The following RALYL variants were observed in gnomAD, a reference collection of about 807,000 sequenced individuals.
RALYL encodes RALY RNA binding protein like, also known as RNA-binding Raly-like protein.
A neutral mutation model predicts 35.1 loss-of-function variants in RALYL; 29 were observed. The observed-to-expected ratio is 0.83, with a 90% CI of 0.61 to 1.13. The LOEUF is 1.13. Ranked by LOEUF, RALYL falls within the 50% of genes most tolerant of loss-of-function variation. The probability of loss-of-function intolerance (pLI) is 0.00; values close to 1 mark genes in which losing one functional copy is unlikely to be tolerated. For missense variants in RALYL, 359 were observed against 360.4 expected, an observed-to-expected ratio of 1.00 and a Z score of 0.03; for synonymous variants, 120 against 127.6, an observed-to-expected ratio of 0.94 and a Z score of 0.40.
chr8:84,467,286 A>G (rs1587541914), intron 1 of RALYL, among the ~76,000 whole-genome samples: 2 of 151,714 alleles, frequency 1.3e-5, no homozygotes, highest in African/African-American at 2.4e-5. Flanking sequence ...ATTTAGTGCT[A>G]TAAATTTCCC....
At chr8:84,466,969 C>T (rs1248997097) in intron 1 of RALYL, among the ~76,000 whole-genome samples, 4 of 152,176 alleles carry the variant, frequency 2.6e-5, no homozygotes, top group Non-Finnish European at 4.4e-5. Flanking sequence ...GTTTGTATTT[C>T]TGTGGGATCG....
At chr8:84,294,399 T>C (rs1323810060) in intron 1 of RALYL, among the ~76,000 whole-genome samples, 1 of 152,176 alleles carries the variant, frequency 6.6e-6, no homozygotes, top group East Asian at 1.9e-4. Context: ...TGTTCAGCAA[T>C]GCTTGCTTAT....
At chr8:84,251,516 G>A in intron 1 of RALYL, among the ~76,000 whole-genome samples, 1 of 151,800 alleles carries the variant, frequency 6.6e-6, no homozygotes, top group Non-Finnish European at 1.5e-5. Flanking sequence ...TCTAATTTTA[G>A]AGTCTAGAGT....
chr8:84,804,096 A>T (rs1398904142), intron 3 of RALYL, among the ~76,000 whole-genome samples: 2 of 152,210 alleles, frequency 1.3e-5, no homozygotes, highest in Non-Finnish European at 2.9e-5. Flanking sequence ...AAATTAGAAA[A>T]GTAGCTGAAA....
chr8:84,481,429 A>G (rs1404416492), intron 1 of RALYL, among the ~76,000 whole-genome samples: 1 of 152,204 alleles, frequency 6.6e-6, no homozygotes, highest in African/African-American at 2.4e-5. Context: ...TCTTGGGCTC[A>G]GGTGATCCTA....
chr8:84,771,584 A>G (rs1815537481), intron 2 of RALYL, among the ~76,000 whole-genome samples: 1 of 152,100 alleles, frequency 6.6e-6, no homozygotes, highest in African/African-American at 2.4e-5. Flanking sequence ...ATGTAAATTC[A>G]ATGGGTTTTA....
chr8:84,747,026 A>G (rs1292081126), intron 2 of RALYL, among the ~76,000 whole-genome samples: 1 of 151,924 alleles, frequency 6.6e-6, no homozygotes, highest in Non-Finnish European at 1.5e-5. Flanking sequence ...TAACAAAATT[A>G]ATACAAAAGA....
At chr8:84,730,807 G>A (rs1563463148) in intron 2 of RALYL, among the ~76,000 whole-genome samples, 1 of 152,050 alleles carries the variant, frequency 6.6e-6, no homozygotes, top group Non-Finnish European at 1.5e-5. Flanking sequence ...TAGAAGCAAT[G>A]ACACCGTTCA....
chr8:84,766,720 CAAAAAAAAAAAAAA>C (rs751821694), intron 2 of RALYL, among the ~76,000 whole-genome samples: 9 of 18,024 alleles, frequency 5.0e-4, no homozygotes, highest in Non-Finnish European at 7.3e-4. Flanking sequence ...GAGACTGTCT[CAAAAAAAAAAAAAA>C]AAAAAAAAAA....
intron 2 of RALYL, among the ~76,000 whole-genome samples, chr8:84,730,028 A>G (rs1156340583): frequency 6.6e-6 from 1 of 152,202 alleles, no homozygotes; most frequent in Non-Finnish European, 1.5e-5. Flanking sequence ...TCCCTAACTC[A>G]TTTTATGAGA....
chr8:84,662,462 TATA>T (rs1386234689), intron 2 of RALYL, among the ~76,000 whole-genome samples: 1 of 152,200 alleles, frequency 6.6e-6, no homozygotes, highest in Non-Finnish European at 1.5e-5. Flanking sequence ...TTAGATGTGA[TATA>T]ATATTTTGAT....
At chr8:84,683,037 T>C (rs551475879) in intron 2 of RALYL, among the ~76,000 whole-genome samples, 5 of 152,346 alleles carry the variant, frequency 3.3e-5, no homozygotes, top group Admixed American at 2.0e-4. Flanking sequence ...TTCTGGTATG[T>C]TGTGTCTCTG....
Position 84,719,976 on chromosome 8 carries a change from G to A in RALYL, c.257-54603G>A, listed in dbSNP as rs570829261. ...ACAATTCTACTCTCTACTTCAATGA[G>A]ACCAGCATTTTTAGATTATTTATAT... is the stretch of plus-strand genomic sequence containing the variant. On this transcript the variant is annotated intron_variant, in intron 2 of 8. Transcript: ENST00000521268. Among the ~76,000 whole-genome samples, 273 of 152,054 alleles carry A rather than the reference G, an allele frequency of 1.8e-3. 1 individual carries two copies. The highest frequency in any genetic ancestry group is 2.8e-3 in the Non-Finnish European group (190 of 67,986).
At chr8:84,332,703 A>G (rs1847068807) in intron 1 of RALYL, among the ~76,000 whole-genome samples, 1 of 152,156 alleles carries the variant, frequency 6.6e-6, no homozygotes, top group Admixed American at 6.6e-5. Context: ...GCCTGCTGCC[A>G]GTGCCTGTCT....
chr8:84,197,160 A>G (rs2130946280), intron 1 of RALYL, among the ~76,000 whole-genome samples: 1 of 152,344 alleles, frequency 6.6e-6, no homozygotes, highest in Admixed American at 6.5e-5. Flanking sequence ...ATTGAATACC[A>G]ACTTAGTTTC....
At chr8:84,669,208 T>G (rs1832701011) in intron 2 of RALYL, among the ~76,000 whole-genome samples, 1 of 152,154 alleles carries the variant, frequency 6.6e-6, no homozygotes, top group African/African-American at 2.4e-5. Flanking sequence ...CTGGGTACAC[T>G]TTGACTCTGT....
chr8:84,417,282 G>T (rs900822245), intron 1 of RALYL, among the ~76,000 whole-genome samples: 20 of 152,084 alleles, frequency 1.3e-4, no homozygotes, highest in Non-Finnish European at 2.6e-4. Flanking sequence ...AAGAGAGTCA[G>T]TTTTTTCTGA....
intron 1 of RALYL, among the ~76,000 whole-genome samples, chr8:84,317,892 T>A (rs1234516629): frequency 6.6e-6 from 1 of 152,200 alleles, no homozygotes; most frequent in Non-Finnish European, 1.5e-5. Context: ...TCTTTCTACC[T>A]TTTTTCTTTC....
Position 84,862,454 on chromosome 8 carries a change from G to T in RALYL, c.571+1G>T. 1 of 1,575,788 alleles carries T rather than the reference G, an allele frequency of 6.3e-7. No homozygotes were observed. Among genetic ancestry groups the T allele is most frequent in the Non-Finnish European group, 8.6e-7 (1 of 1,163,402 alleles). On this transcript the variant is annotated splice_donor_variant, in intron 6 of 8. Transcript: ENST00000521268. LOFTEE classifies it high-confidence loss of function. ...GCCAGTGGGTCAACAGGTTCTAAAT[G>T]TAAGTAATGTCCTTCATTTTATTTC...
Sources: allele counts gnomAD v4.1 joint callset (sites outside exome capture counted in the v4.1 genomes callset), GRCh38; gene constraint gnomAD v4.1.1; transcripts MANE v1.5; gene names NCBI Gene and HGNC (gene_info 2026-07-23, HGNC 2026-07-21).